Variants in PCDHGB7 observed in about 807,000 individuals in gnomAD.
PCDHGB7 encodes the protein protocadherin gamma subfamily B, 7.
A neutral mutation model predicts 61.4 loss-of-function variants in PCDHGB7; 37 were observed. The ratio of observed to expected loss-of-function variants is 0.60; its 90% confidence interval spans 0.46 to 0.79. The LOEUF (loss-of-function observed/expected upper bound fraction) is 0.79. Ranked by LOEUF, PCDHGB7 falls within the 30% of genes least tolerant of loss-of-function variation. PCDHGB7 has a pLI of 0.00. For synonymous variants in PCDHGB7, 464 were observed against 503.5 expected, an observed-to-expected ratio of 0.92 and a Z score of 1.05; for missense variants, 1,166 against 1,202.5, an observed-to-expected ratio of 0.97 and a Z score of 0.45.
rs1288507078 is a variant in PCDHGB7 at position 141,476,171 on chromosome 5, G to A, written c.2416-18636G>A. On this transcript the variant is annotated intron_variant, in intron 1 of 3. Transcript: ENST00000398594. This position sits in a 1 kb window ranked among gnomAD's most constrained non-coding sequence, Gnocchi z 7.6. ...GGTAAGCACCGGGAGGGTAGTGGGA[G>A]TTTTGCTTCTGCTTGGTGCCTTGAA... The A allele has an allele frequency of 1.2e-6, 2 of 1,613,442 alleles. No individual in the cohort carries two copies. The highest frequency in any genetic ancestry group is 1.7e-6 in the Non-Finnish European group (2 of 1,179,978).
At chr5:141,494,724 T>C in intron 1 of PCDHGB7, 83 bp from the exon 2 acceptor site, 1 of 1,606,108 alleles carries the variant, frequency 6.2e-7, no homozygotes, top group South Asian at 1.1e-5. Flanking sequence ...CCCCTCCTTC[T>C]CTCCCGGCCC....
intron 1 of PCDHGB7, among the ~76,000 whole-genome samples, chr5:141,438,587 CATACATAT>C (rs1166583123): frequency 1.2e-4 from 9 of 73,430 alleles, no homozygotes; most frequent in Non-Finnish European, 1.6e-4. Flanking sequence ...TACATACATA[CATACATAT>C]ATATATATAT....
chr5:141,509,207 A>C (rs1263006059), intron 3 of PCDHGB7, among the ~76,000 whole-genome samples: 2 of 151,694 alleles, frequency 1.3e-5, no homozygotes, highest in Non-Finnish European at 2.9e-5. Context: ...CTGTCTCTCT[A>C]TTTCTCAATC....
At chr5:141,421,828 C>T in intron 1 of PCDHGB7, 1 of 1,613,796 alleles carries the variant, frequency 6.2e-7, no homozygotes, top group Non-Finnish European at 8.5e-7. Context: ...GGAGGGAAGC[C>T]TGGACCGAGA....
rs780380650 is a variant in PCDHGB7 at position 141,432,715 on chromosome 5, C to G, written c.2415+12441C>G. 2.5e-6 allele frequency: 4 copies of G among 1,613,996 alleles called. No homozygotes were observed. Among genetic ancestry groups the G allele is most frequent in the Non-Finnish European group, 3.4e-6 (4 of 1,179,970 alleles). On this transcript the variant is annotated intron_variant, in intron 1 of 3. Transcript: ENST00000398594. The surrounding 1 kb of genome is among the most constrained non-coding windows in gnomAD (Gnocchi z 6.0). ...TGGCCGTCCAGGACCACGGCCAGCC[C>G]CCTCTCTCCGCCACTGTCACGCTCA... is the stretch of plus-strand genomic sequence containing the variant.
chr5:141,500,184 T>TTTTA (rs58019021), intron 2 of PCDHGB7, among the ~76,000 whole-genome samples: 28,743 of 135,782 alleles, frequency 0.21, 3,285 homozygotes, highest in African/African-American at 0.3. Context: ...TCATTTTTAT[T>TTTTA]TTTATTTATT....
intron 1 of PCDHGB7, among the ~76,000 whole-genome samples, chr5:141,468,824 C>A (rs1288506117): frequency 6.6e-6 from 1 of 152,010 alleles, no homozygotes; most frequent in Non-Finnish European, 1.5e-5. Flanking sequence ...CAAGATCAAG[C>A]CACTGCACTC....
In PCDHGB7 at chr5:141,490,794, C is replaced by G. The variant is rs763933771; in HGVS notation, c.2416-4013C>G. The G allele has an allele frequency of 5.0e-6, 8 of 1,613,976 alleles. No individual in the cohort carries two copies. In the South Asian group the frequency reaches 7.7e-5, roughly 16 times the overall value. ...ACCCAGAGGATGGACGGATCTTTGCCCAGCGTACCTTTGACTATGAATTGC... is the reference window on the plus strand; with the variant it reads ...ACCCAGAGGATGGACGGATCTTTGCGCAGCGTACCTTTGACTATGAATTGC... On this transcript the variant is annotated intron_variant, in intron 1 of 3. Transcript: ENST00000398594. The surrounding 1 kb of genome is among the most constrained non-coding windows in gnomAD (Gnocchi z 5.4).
chr5:141,498,814 T>G (rs2099785952), intron 2 of PCDHGB7, among the ~76,000 whole-genome samples: 1 of 151,956 alleles, frequency 6.6e-6, no homozygotes. Flanking sequence ...ACACCTGTAG[T>G]CCCAGCTACT....
At chr5:141,505,202 T>C (rs778935321) in intron 2 of PCDHGB7, among the ~76,000 whole-genome samples, 191 bp from the exon 3 acceptor site, 3 of 152,012 alleles carry the variant, frequency 2.0e-5, no homozygotes, top group Non-Finnish European at 4.4e-5. Flanking sequence ...AAAGAGCTGG[T>C]TTGAGGGACT....
intron 1 of PCDHGB7, among the ~76,000 whole-genome samples, chr5:141,429,664 ATTATT>A (rs2097234085): frequency 6.6e-6 from 1 of 152,214 alleles, no homozygotes; most frequent in Non-Finnish European, 1.5e-5. Context: ...TTTAAAATAT[ATTATT>A]TTATTTTATG....
chr5:141,448,621 T>C (rs2098597629), intron 1 of PCDHGB7, among the ~76,000 whole-genome samples: 1 of 152,168 alleles, frequency 6.6e-6, no homozygotes, highest in Admixed American at 6.5e-5. Flanking sequence ...TATATCTTCC[T>C]TTCTTCACAT....
At chr5:141,420,699 C>T (rs2096518531) in intron 1 of PCDHGB7, among the ~76,000 whole-genome samples, 1 of 152,236 alleles carries the variant, frequency 6.6e-6, no homozygotes, top group African/African-American at 2.4e-5. Context: ...ATTATTTCCA[C>T]TTCCAGAAAT....
At chr5:141,430,652 A>G in intron 1 of PCDHGB7, 1 of 1,069,464 alleles carries the variant, frequency 9.4e-7, no homozygotes. Context: ...ATGTGGAAAC[A>G]ACGGAGGAGC....
chr5:141,462,372 C>A (rs2099038225), intron 1 of PCDHGB7, among the ~76,000 whole-genome samples: 1 of 152,096 alleles, frequency 6.6e-6, no homozygotes, highest in African/African-American at 2.4e-5. Flanking sequence ...AGTTTCTATT[C>A]TTTTAAATTC....
At chr5:141,478,423 C>A (rs1355847104) in intron 1 of PCDHGB7, 1 of 1,613,672 alleles carries the variant, frequency 6.2e-7, no homozygotes, top group Admixed American at 1.7e-5. Context: ...CCCGCCGCAG[C>A]GACCCGCTGC....
At position 141,432,289 on chromosome 5, in the gene PCDHGB7, C is replaced by A. The variant is rs762278053; in HGVS notation, c.2415+12015C>A. 2 of 1,614,148 alleles carry A rather than the reference C, an allele frequency of 1.2e-6. No individual in the cohort carries two copies. Among genetic ancestry groups the A allele is most frequent in the African/African-American group, 2.7e-5 (2 of 74,952 alleles). On this transcript the variant is annotated intron_variant, in intron 1 of 3. Coordinates refer to ENST00000398594, the MANE Select transcript of PCDHGB7 (RefSeq NM_018927.4). The surrounding 1 kb of genome is among the most constrained non-coding windows in gnomAD (Gnocchi z 6.0). ...CGTCCTACGTGTCCATCAACTCCGA[C>A]ACTGGGGTACTGTATGCGCTGAGCT...
chr5:141,419,104 C>T lies in PCDHGB7; in HGVS notation c.1245C>T (p.Thr415=), dbSNP rs756257411. Residue 415 remains threonine (T), a synonymous_variant, in exon 1 of 4, where the codon ACC becomes ACT. Coordinates refer to ENST00000398594, the MANE Select transcript of PCDHGB7 (RefSeq NM_018927.4). ...ATGAGGCCCTGGATCGGGAGCAGAC[C>T]CCAGAGTACAACGTCACCATCGCAG... The part of the protein sequence containing the change: ...VTDEALDREQ[T]PEYNVTIAAT... 4.6e-5 allele frequency: 75 copies of T among 1,613,732 alleles called. No individual in the cohort carries two copies. The highest frequency in any genetic ancestry group is 5.9e-5 in the Non-Finnish European group (70 of 1,179,882).
In PCDHGB7 at chr5:141,486,487, C is replaced by T; in HGVS notation, c.2416-8320C>T. ...CTGGGAACCCTCCTCTCAGTACCCA[C>T]AGAACTATTTTCCTCAATATTTCAG... On this transcript the variant is annotated intron_variant, in intron 1 of 3. Coordinates refer to ENST00000398594, the MANE Select transcript of PCDHGB7 (RefSeq NM_018927.4). This position sits in a 1 kb window ranked among gnomAD's most constrained non-coding sequence, Gnocchi z 5.0. 1 of 1,614,086 alleles carries T rather than the reference C, an allele frequency of 6.2e-7. No individual in the cohort carries two copies. Among genetic ancestry groups the T allele is most frequent in the Non-Finnish European group, 8.5e-7 (1 of 1,179,918 alleles).
Sources: gnomAD v4.1 joint callset for allele counts (sites outside exome capture counted in the v4.1 genomes callset) on GRCh38, gnomAD v4.1.1 for gene constraint, Gnocchi (gnomAD v3.1) non-coding constraint, MANE v1.5 for transcripts, NCBI Gene and HGNC (gene_info 2026-07-23, HGNC 2026-07-21) for gene names.